TRIM28: variants seen among roughly 807,000 people sequenced by gnomAD.
The protein encoded by TRIM28 is tripartite motif containing 28.
A neutral mutation model predicts 87.4 loss-of-function variants in TRIM28; 8 were observed. That is an observed-to-expected ratio of 0.09 (90% confidence interval 0.05 to 0.17). TRIM28 has a LOEUF of 0.17. Ranked by LOEUF, TRIM28 falls within the 10% of genes least tolerant of loss-of-function variation. TRIM28 has a pLI of 1.00. For missense variants in TRIM28, 968 were observed against 1,131.8 expected, an observed-to-expected ratio of 0.86 and a Z score of 2.08; for synonymous variants, 601 against 454.3, an observed-to-expected ratio of 1.32 and a Z score of -4.11.
chr19:58,544,740 G>GC lies in TRIM28; in HGVS notation c.-13dup. ...CCGCGCCCCTCCTCCCCCCCTGGGC[G>GC]CCCCCGGCGGCGTGTGAATGGCGGC... On this transcript the variant is annotated 5_prime_UTR_variant, in exon 1 of 17. Transcript: ENST00000253024. The GC allele has an allele frequency of 9.4e-7, 1 of 1,063,220 alleles. No homozygotes were observed. Among genetic ancestry groups the GC allele is most frequent in the African/African-American group, 1.7e-5 (1 of 58,630 alleles). 65.9% of individuals were successfully genotyped at this position (1,063,220 alleles called of 1,614,324 possible).
rs372500397 is a variant in TRIM28 at position 58,548,184 on chromosome 19, T to A, written c.1101+4T>A. 5.5e-5 allele frequency: 88 copies of A among 1,613,830 alleles called. 1 individual carries two copies. In the East Asian group the frequency reaches 5.8e-4, roughly 11 times the overall value. ...CCTTTTGCTTTCTAAGAAGTTGGTG[T>A]GTACTGGTGGGCTCCTGGCTGGTGG... On this transcript the variant is annotated splice_donor_region_variant and intron_variant, in intron 7 of 16. Coordinates refer to ENST00000253024, the MANE Select transcript of TRIM28 (RefSeq NM_005762.3).
intron 1 of TRIM28, 121 bp from the exon 2 acceptor site, chr19:58,545,304 G>A: frequency 7.4e-6 from 7 of 947,342 alleles, no homozygotes; most frequent in South Asian, 6.3e-5. Flanking sequence ...AGAAGGCTCG[G>A]GGAGGGGAGG....
In TRIM28 at chr19:58,549,616, G is replaced by A. The variant is rs760972922; in HGVS notation, c.1948G>A (p.Asp650Asn). 1 of 1,613,694 alleles carries A rather than the reference G, an allele frequency of 6.2e-7. No individual in the cohort carries two copies. The highest frequency in any genetic ancestry group is 8.5e-7 in the Non-Finnish European group (1 of 1,179,648). Reference protein sequence around the residue: ...CNQCEFCFHLDCHLPALQDVP... With the variant: ...CNQCEFCFHLNCHLPALQDVP... ...CCAGTGTGAGTTTTGTTTCCACCTG[G>A]ACTGTCACCTGCCGGCCCTGCAGGA... The change falls in exon 13 of 17, where the codon GAC becomes AAC. Residue 650 changes from aspartate (D) to asparagine (N), a missense_variant. Transcript: ENST00000253024. This position sits in a 1 kb window ranked among gnomAD's most constrained non-coding sequence, Gnocchi z 4.4.
At chr19:58,548,801 G>A in intron 10 of TRIM28, 25 bp downstream of exon 10, 1 of 1,614,076 alleles carries the variant, frequency 6.2e-7, no homozygotes, top group Non-Finnish European at 8.5e-7. Context: ...CTAGTGGGTG[G>A]GGAAGGGCCC....
chr19:58,547,098 C>T, intron 3 of TRIM28: 3 of 385,524 alleles, frequency 7.8e-6, no homozygotes, highest in Admixed American at 4.3e-5. Context: ...TGGGGTGGTC[C>T]TCTTTTTCTA....
intron 2 of TRIM28, 53 bp downstream of exon 2, chr19:58,545,590 G>C: frequency 6.6e-6 from 10 of 1,516,194 alleles, no homozygotes; most frequent in Non-Finnish European, 9.1e-6. Flanking sequence ...GGGCATCTGC[G>C]CAGGAGGAGC....
At chr19:58,546,000 AG>A in intron 3 of TRIM28, 104 bp downstream of exon 3, 1 of 1,213,962 alleles carries the variant, frequency 8.2e-7, no homozygotes, top group Non-Finnish European at 1.1e-6. Flanking sequence ...AGAGTTCTCT[AG>A]GGGGTGCCGC....
In TRIM28 at chr19:58,547,583, C is replaced by T. The variant is rs749558520; in HGVS notation, c.723-14C>T. 2 of 1,613,908 alleles carry T rather than the reference C, an allele frequency of 1.2e-6. No homozygotes were observed. Among genetic ancestry groups the T allele is most frequent in the Non-Finnish European group, 8.5e-7 (1 of 1,179,906 alleles). On this transcript the variant is annotated splice_polypyrimidine_tract_variant and intron_variant, in intron 4 of 16. Coordinates refer to ENST00000253024, the MANE Select transcript of TRIM28 (RefSeq NM_005762.3). ...CGTAGCTTAGTGCTCAGGAACACAT[C>T]TGTCTGCTCTCAGGTACCAGTTCTT...
Position 58,544,731 on chromosome 19 carries a change from C to A in TRIM28, c.-27C>A, listed in dbSNP as rs890863936. ...CGGCGGGCCCCGCGCCCCTCCTCCC[C>A]CCCTGGGCGCCCCCGGCGGCGTGTG... On this transcript the variant is annotated 5_prime_UTR_variant, in exon 1 of 17. Transcript: ENST00000253024. 4 of 1,036,414 alleles carry A rather than the reference C, an allele frequency of 3.9e-6. No individual in the cohort carries two copies. The highest frequency in any genetic ancestry group is 4.6e-6 in the Non-Finnish European group (4 of 861,694). The allele number at this position is 1,036,414 out of a possible 1,614,324, so 64.2% of individuals were successfully genotyped here. A position where few individuals can be genotyped will look rare whatever the true frequency, so the allele number is the denominator to read the frequency against.
chr19:58,545,271 A>T (rs1258055798), intron 1 of TRIM28, 154 bp from the exon 2 acceptor site: 2 of 873,120 alleles, frequency 2.3e-6, no homozygotes, highest in Non-Finnish European at 3.5e-6. Context: ...CTGAGATGGG[A>T]CATCTGACTA....
Position 58,548,460 on chromosome 19 carries a change from C to CT in TRIM28, c.1217-24dup, listed in dbSNP as rs1438493745. 4 of 1,613,992 alleles carry CT rather than the reference C, an allele frequency of 2.5e-6. No individual in the cohort carries two copies. In the African/African-American group the frequency reaches 5.3e-5, roughly 22 times the overall value. On this transcript the variant is annotated intron_variant, in intron 8 of 16. Transcript: ENST00000253024. ...GTTATTACCCCACGTGCTGCACCTACTTACGTTTCTCTCTTCTTTTTGCAG... is the reference window on the plus strand; with the variant it reads ...GTTATTACCCCACGTGCTGCACCTACTTTACGTTTCTCTCTTCTTTTTGCAG...
chr19:58,548,564 T>C lies in TRIM28; in HGVS notation c.1295T>C (p.Leu432Pro). 6.2e-7 allele frequency: 1 copy of C among 1,612,340 alleles called. No individual in the cohort carries two copies. Among genetic ancestry groups the C allele is most frequent in the Non-Finnish European group, 8.5e-7 (1 of 1,179,782 alleles). The change falls in exon 9 of 17, where the codon CTG becomes CCG. Residue 432 changes from leucine (L) to proline (P), a missense_variant. Transcript: ENST00000253024. ...PMAPPRAPGP[L>P]SKQGSGSSQP... ...GCCCCTCCAAGAGCCCCAGGGCCCCTGAGCAAGCAGGGCTCTGGCAGCAGC... is the reference window on the plus strand; with the variant it reads ...GCCCCTCCAAGAGCCCCAGGGCCCCCGAGCAAGCAGGGCTCTGGCAGCAGC...
At position 58,544,763 on chromosome 19, in the gene TRIM28, G is replaced by A; in HGVS notation, c.6G>A (p.Ala2=). The A allele has an allele frequency of 8.9e-7, 1 of 1,127,600 alleles. No homozygotes were observed. The highest frequency in any genetic ancestry group is 4.9e-5 in the East Asian group (1 of 20,340). 69.8% of individuals were successfully genotyped at this position (1,127,600 alleles called of 1,614,324 possible). A position where few individuals can be genotyped will look rare whatever the true frequency, so the allele number is the denominator to read the frequency against. The change falls in exon 1 of 17, where the codon GCG becomes GCA. Residue 2 remains alanine, a synonymous_variant. Coordinates refer to ENST00000253024, the MANE Select transcript of TRIM28 (RefSeq NM_005762.3). The part of the protein sequence containing the change: M[A]ASAAAASAAA... The stretch of plus-strand genomic sequence containing the variant: ...GCGCCCCCGGCGGCGTGTGAATGGC[G>A]GCCTCCGCGGCGGCAGCCTCGGCAG...
chr19:58,549,777 C>G lies in TRIM28; in HGVS notation c.2023C>G (p.Leu675Val). The change falls in exon 14 of 17, where the codon CTG becomes GTG. Residue 675 changes from leucine to valine, a missense_variant. By Grantham distance (32) the Leu-to-Val change is conservative (BLOSUM62 1). Coordinates refer to ENST00000253024, the MANE Select transcript of TRIM28 (RefSeq NM_005762.3). This position sits in a 1 kb window ranked among gnomAD's most constrained non-coding sequence, Gnocchi z 4.4. ...SCSLCHVLPDLKEEDGSLSLD... is the reference protein window; with the variant it reads ...SCSLCHVLPDVKEEDGSLSLD... ...CTCACTCTGCCATGTGCTCCCTGAC[C>G]TGAAGGAGGAGGATGGCAGCCTCAG... 1.2e-6 allele frequency: 2 copies of G among 1,612,398 alleles called. No individual in the cohort carries two copies. Among genetic ancestry groups the G allele is most frequent in the South Asian group, 2.2e-5 (2 of 90,998 alleles).
chr19:58,544,660 G>C lies in TRIM28; in HGVS notation c.-98G>C, dbSNP rs2053742840. On this transcript the variant is annotated 5_prime_UTR_variant, in exon 1 of 17. Coordinates refer to ENST00000253024, the MANE Select transcript of TRIM28 (RefSeq NM_005762.3). ...CGGCGCTCGGCCTCGCGGCGGCGGC[G>C]GCGGCAGCGGCCCAGCAGTTGGCGG... is the stretch of plus-strand genomic sequence containing the variant. 2.3e-6 allele frequency: 1 copy of C among 442,566 alleles called. No homozygotes were observed. The highest frequency in any genetic ancestry group is 3.0e-6 in the Non-Finnish European group (1 of 335,856). 27.4% of individuals were successfully genotyped at this position (442,566 alleles called of 1,614,324 possible). A position where few individuals can be genotyped will look rare whatever the true frequency, so the allele number is the denominator to read the frequency against.
chr19:58,547,022 C>T (rs1394386440), intron 3 of TRIM28: 3 of 205,024 alleles, frequency 1.5e-5, no homozygotes, highest in African/African-American at 4.9e-5. Context: ...CTGAGTATGT[C>T]CACTTGGAGA....
intron 5 of TRIM28, 36 bp downstream of exon 5, chr19:58,547,749 G>C: frequency 6.2e-7 from 1 of 1,613,954 alleles, no homozygotes; most frequent in Non-Finnish European, 8.5e-7. Flanking sequence ...GGGTGGCCCA[G>C]GGCAGCAAGA....
In TRIM28 at chr19:58,549,477, G is replaced by T; in HGVS notation, c.1809G>T (p.Leu603=). ...CTAGTGGCAGCACCAGCTCAGGGCT[G>T]GAGGTGGTGGCTCCTGAGGGTACCT... ...ASPSGSTSSG[L]EVVAPEGTSA... Residue 603 remains leucine, a synonymous_variant, in exon 13 of 17, where the codon CTG becomes CTT. Coordinates refer to ENST00000253024, the MANE Select transcript of TRIM28 (RefSeq NM_005762.3). The surrounding 1 kb of genome is among the most constrained non-coding windows in gnomAD (Gnocchi z 4.4). 1 of 1,613,630 alleles carries T rather than the reference G, an allele frequency of 6.2e-7. No individual in the cohort carries two copies. The highest frequency in any genetic ancestry group is 1.1e-5 in the South Asian group (1 of 91,078).
At position 58,550,224 on chromosome 19, in the gene TRIM28, C is replaced by T; in HGVS notation, c.2271C>T (p.Ser757=). ...AGAAGTTGTCACCTCCCTACAGCTC[C>T]CCACAGGAGTTTGCCCAGGATGTGG... is the stretch of plus-strand genomic sequence containing the variant. ...LQEKLSPPYS[S]PQEFAQDVGR... is the part of the protein sequence containing the mutation. Residue 757 remains serine, a synonymous_variant, in exon 16 of 17, where the codon TCC becomes TCT. Coordinates refer to ENST00000253024, the MANE Select transcript of TRIM28 (RefSeq NM_005762.3). The T allele has an allele frequency of 6.2e-7, 1 of 1,614,116 alleles. No individual in the cohort carries two copies. The highest frequency in any genetic ancestry group is 8.5e-7 in the Non-Finnish European group (1 of 1,180,016).
Sources: gnomAD v4.1 joint callset for allele counts on GRCh38, gnomAD v4.1.1 for gene constraint, Gnocchi (gnomAD v3.1) non-coding constraint, MANE v1.5 for transcripts, NCBI Gene and HGNC (gene_info 2026-07-23, HGNC 2026-07-21) for gene names.